Variants in SLC19A1 observed in about 807,000 individuals in gnomAD.
SLC19A1 encodes the protein reduced folate transporter.
In SLC19A1, 37 loss-of-function variants were observed where a neutral mutation model predicts 35.3. That is an observed-to-expected ratio of 1.05 (90% CI 0.81 to 1.38). The LOEUF (loss-of-function observed/expected upper bound fraction) is 1.38, where lower values mean the gene tolerates loss of function less well. Ranked by LOEUF, SLC19A1 falls within the 40% of genes most tolerant of loss-of-function variation. The probability of loss-of-function intolerance (pLI) is 0.00; values close to 1 mark genes in which losing one functional copy is unlikely to be tolerated. For missense variants in SLC19A1, 831 were observed against 826.9 expected, an observed-to-expected ratio of 1.00 and a Z score of -0.06; for synonymous variants, 460 against 398.5, an observed-to-expected ratio of 1.15 and a Z score of -1.84.
intron 5 of SLC19A1, among the ~76,000 whole-genome samples, chr21:45,518,720 A>C (rs2038088010): frequency 6.6e-6 from 1 of 152,214 alleles, no homozygotes; most frequent in Admixed American, 6.5e-5. Context: ...ACAGGCTAAA[A>C]AAAAAGAACA....
downstream of SLC19A1, chr21:45,511,323 C>T (rs1287553666): frequency 5.6e-6 from 4 of 719,990 alleles, no homozygotes; most frequent in East Asian, 2.7e-5. Flanking sequence ...AGTTTTTGGA[C>T]AAATCTTATA....
At chr21:45,529,620 C>CGTGTGGT (rs10644910) in intron 4 of SLC19A1, among the ~76,000 whole-genome samples, 1 of 151,632 alleles carries the variant, frequency 6.6e-6, no homozygotes, top group African/African-American at 2.4e-5. Context: ...CATGTGTGAA[C>CGTGTGGT]GTGTCCATGT....
In SLC19A1 at chr21:45,531,944, C is replaced by T. The variant is rs201230009; in HGVS notation, c.394G>A (p.Ala132Thr). The change falls in exon 3 of 6, where the codon GCG (alanine) becomes ACG (threonine). Residue 132 changes from alanine to threonine, a missense_variant. Ala to Thr is a moderately conservative substitution (Grantham distance 58). Transcript: ENST00000311124. ...MELFYSVTMA[A>T]RIAYSSYIFS... ...ATGTAGGAGGAATAGGCGATGCGCG[C>T]GGCCATGGTGACGCTGTAGAAGAGC... The T allele has an allele frequency of 1.2e-5, 19 of 1,604,668 alleles. No homozygotes were observed. Among genetic ancestry groups the T allele is most frequent in the Non-Finnish European group, 1.4e-5 (17 of 1,176,474 alleles).
rs781308033 is a variant in SLC19A1, at chr21:45,505,938, G to C, written c.498-7326C>G. ...GCCGAGCAGGAGGAGCTCTACGTCC[G>C]CGTGCAGAACGGGTTCCGGAAGGTC... On this transcript the variant is annotated intron_variant, in intron 3 of 4. Coordinates refer to the SLC19A1 transcript ENST00000417954. 2 of 1,613,236 alleles carry C rather than the reference G, an allele frequency of 1.2e-6. No individual in the cohort carries two copies. Among genetic ancestry groups the C allele is most frequent in the Admixed American group, 3.3e-5 (2 of 60,022 alleles).
rs202244244 is a variant in SLC19A1 at position 45,515,842 on chromosome 21, G to A, written c.1592C>T (p.Pro531Leu). 1.4e-4 allele frequency: 229 copies of A among 1,601,332 alleles called. No homozygotes were observed. The highest frequency in any genetic ancestry group is 1.4e-4 in the South Asian group (13 of 89,814). ...SDPYLAQAPAPQAAEFLSPVT... is the reference protein window; with the variant it reads ...SDPYLAQAPALQAAEFLSPVT... ...TGGGCTCAGGAATTCAGCTGCCTGCGGGGCCGGGGCCTGGGCCAGGTATGG... is the reference window on the plus strand; with the variant it reads ...TGGGCTCAGGAATTCAGCTGCCTGCAGGGCCGGGGCCTGGGCCAGGTATGG... Residue 531 changes from proline (P) to leucine (L), a missense_variant, in exon 6 of 6, where the codon CCG becomes CTG. Physicochemically the swap from Pro to Leu is moderately conservative, Grantham distance 98 (BLOSUM62 -3). Transcript: ENST00000311124.
At chr21:45,507,791 G>A (rs554932236), downstream of SLC19A1, among the ~76,000 whole-genome samples, 116 of 152,290 alleles carry the variant, frequency 7.6e-4, no homozygotes, top group African/African-American at 2.7e-3. Flanking sequence ...CAGTACCTCC[G>A]TCTCAGCTGC....
chr21:45,537,748 C>T, intron 2 of SLC19A1, 23 bp downstream of exon 2: 1 of 1,335,436 alleles, frequency 7.5e-7, no homozygotes, highest in Non-Finnish European at 9.6e-7. Flanking sequence ...AGGCGGCCGC[C>T]CGGCACCCCG....
At position 45,515,469 on chromosome 21, in the gene SLC19A1, C is replaced by A. The variant is rs1408305590; in HGVS notation, c.*189G>T. ...ACAGTGCAGGGACAGCATGGCCAGG[C>A]AGCTGCCCTGAGTGTCGCCAGCACG... On this transcript the variant is annotated 3_prime_UTR_variant, in exon 6 of 6. Coordinates refer to ENST00000311124, the MANE Select transcript of SLC19A1 (RefSeq NM_194255.4). The A allele has an allele frequency of 6.7e-7, 1 of 1,489,814 alleles. No homozygotes were observed. The highest frequency in any genetic ancestry group is 1.4e-5 in the African/African-American group (1 of 71,244). 92.3% of individuals were successfully genotyped at this position (1,489,814 alleles called of 1,614,324 possible). A position where few individuals can be genotyped will look rare whatever the true frequency, so the allele number is the denominator to read the frequency against.
chr21:45,507,683 C>T (rs2037304520), downstream of SLC19A1: 1 of 1,244,480 alleles, frequency 8.0e-7, no homozygotes, highest in South Asian at 1.3e-5. Context: ...ACACGTGGTC[C>T]TTTGGAGTCC....
chr21:45,526,735 C>T (rs1409692988), intron 4 of SLC19A1, among the ~76,000 whole-genome samples: 2 of 152,226 alleles, frequency 1.3e-5, no homozygotes, highest in Non-Finnish European at 2.9e-5. Flanking sequence ...TCATGCCCAG[C>T]TAATTTTTGT....
At chr21:45,539,443 A>AG (rs1355553597) in intron 1 of SLC19A1, among the ~76,000 whole-genome samples, 1 of 152,216 alleles carries the variant, frequency 6.6e-6, no homozygotes, top group African/African-American at 2.4e-5. Context: ...GGAGGGTGGC[A>AG]GGGGGTCTGC....
In SLC19A1 at chr21:45,505,874, C is replaced by G. The variant is rs961423812; in HGVS notation, c.498-7262G>C. 6.2e-7 allele frequency: 1 copy of G among 1,612,356 alleles called. No homozygotes were observed. The highest frequency in any genetic ancestry group is 8.5e-7 in the Non-Finnish European group (1 of 1,179,844). ...GGCTACACGCCAGGCCATGCTGGGC[C>G]AGGTGCACGAGGTTCCCGAGGGCTG... On this transcript the variant is annotated intron_variant, in intron 3 of 4. Transcript: ENST00000417954.
At chr21:45,518,942 C>A (rs936296972) in intron 5 of SLC19A1, among the ~76,000 whole-genome samples, 1 of 152,152 alleles carries the variant, frequency 6.6e-6, no homozygotes, top group Non-Finnish European at 1.5e-5. Context: ...AGAGGAAATA[C>A]CACAGTAGGC....
At position 45,537,926 on chromosome 21, in the gene SLC19A1, C is replaced by A; in HGVS notation, c.34G>T (p.Val12Leu). The A allele has an allele frequency of 1.9e-6, 3 of 1,587,500 alleles. No homozygotes were observed. Among genetic ancestry groups the A allele is most frequent in the Non-Finnish European group, 2.6e-6 (3 of 1,171,142 alleles). The change falls in exon 2 of 6, where the codon GTG (valine) becomes TTG (leucine). Residue 12 changes from valine (V) to leucine (L), a missense_variant. By Grantham distance (32) the Val-to-Leu change is conservative. Coordinates refer to ENST00000311124, the MANE Select transcript of SLC19A1 (RefSeq NM_194255.4). ...VPSSPAVEKQ[V>L]PVEPGPDPEL... ...GGGTCAGGCCCAGGTTCCACGGGCA[C>A]CTGCTTCTCCACCGCTGGGCTGGAG... is the stretch of plus-strand genomic sequence containing the variant.
chr21:45,532,626 G>T (rs2146374416), intron 2 of SLC19A1, among the ~76,000 whole-genome samples: 2 of 152,194 alleles, frequency 1.3e-5, no homozygotes, highest in South Asian at 4.2e-4. Flanking sequence ...TAGAGATGGG[G>T]GTTTCACCAT....
intron 4 of SLC19A1, among the ~76,000 whole-genome samples, chr21:45,529,795 C>CTGTGAGTGTGTGGTGTGTCCA (rs765421556): frequency 6.8e-6 from 1 of 147,304 alleles, no homozygotes; most frequent in Non-Finnish European, 1.5e-5. Flanking sequence ...GTGTATCCAT[C>CTGTGAGTGTGTGGTGTGTCCA]TGTGAGTGTG....
At chr21:45,537,480 C>T (rs1032969788) in intron 2 of SLC19A1, among the ~76,000 whole-genome samples, 1 of 150,138 alleles carries the variant, frequency 6.7e-6, no homozygotes, top group Admixed American at 6.6e-5. Context: ...CACCCACAGG[C>T]GGCCGCCCAG....
In SLC19A1 at chr21:45,559,247, G is replaced by T. The variant is rs145496340; in HGVS notation, c.-50+3495C>A. On this transcript the variant is annotated intron_variant, in intron 1 of 5. Coordinates refer to the SLC19A1 transcript ENST00000650808. ...AAGTCAAAAAGCACCATGAAGAACT[G>T]CCAGCCCCTCAGCTGTGTGGAAACA... is the stretch of plus-strand genomic sequence containing the variant. 3.5e-3 allele frequency among the ~76,000 whole-genome samples: 539 copies of T among 152,316 alleles called. 6 individuals are homozygous for T. The highest frequency in any genetic ancestry group is 0.012 in the African/African-American group (508 of 41,576).
intron 5 of SLC19A1, among the ~76,000 whole-genome samples, chr21:45,518,844 G>T (rs1296030491): frequency 6.6e-6 from 1 of 152,118 alleles, no homozygotes; most frequent in Non-Finnish European, 1.5e-5. Context: ...CAGCAGATCT[G>T]TCTAAAATAA....
Sources: gnomAD v4.1 joint callset for allele counts (sites outside exome capture counted in the v4.1 genomes callset) on GRCh38, gnomAD v4.1.1 for gene constraint, MANE v1.5 for transcripts, NCBI Gene and HGNC (gene_info 2026-07-23, HGNC 2026-07-21) for gene names.